ARHGAP12: variants seen among roughly 807,000 people sequenced by gnomAD.
The protein encoded by ARHGAP12 is rho GTPase-activating protein 12.
ARHGAP12 carries 64 observed loss-of-function variants against 108.6 expected under a neutral mutation model. That is an observed-to-expected ratio of 0.59 (90% CI 0.48 to 0.73). ARHGAP12 has a LOEUF of 0.73. Among genes scored for constraint, ARHGAP12 ranks in the 30% least tolerant of loss-of-function variants. The pLI, the probability that ARHGAP12 is intolerant of heterozygous loss-of-function variation, is 0.00. For missense variants in ARHGAP12, 940 were observed against 1,005.9 expected (o/e 0.93, Z 0.89); for synonymous variants, 312 against 337.2 (o/e 0.93, Z 0.82).
intron 3 of ARHGAP12, among the ~76,000 whole-genome samples, chr10:31,886,481 T>C (rs1418792867): frequency 6.6e-6 from 1 of 152,146 alleles, no homozygotes; most frequent in Non-Finnish European, 1.5e-5. Context: ...TAATCATAGA[T>C]TTAAGCACAT....
chr10:31,873,995 C>T (rs1195464212), intron 3 of ARHGAP12, among the ~76,000 whole-genome samples: 1 of 152,164 alleles, frequency 6.6e-6, no homozygotes, highest in Admixed American at 6.5e-5. Context: ...GTAACTCTAT[C>T]ATCAGCATTC....
intron 2 of ARHGAP12, among the ~76,000 whole-genome samples, chr10:31,909,522 C>A (rs191567545): frequency 2.0e-5 from 3 of 152,310 alleles, no homozygotes; most frequent in Admixed American, 1.3e-4. Context: ...TAAAGAGGGT[C>A]TTTGCAGATG....
At chr10:31,874,992 AAAAAAAAAAAT>A (rs1378253464) in intron 3 of ARHGAP12, among the ~76,000 whole-genome samples, 16 of 150,594 alleles carry the variant, frequency 1.1e-4, no homozygotes, top group Middle Eastern at 3.4e-3. Flanking sequence ...AAAAAAAAAA[AAAAAAAAAAAT>A]TTTCACACAC....
At chr10:31,832,983 T>C (rs886370018) in intron 9 of ARHGAP12, among the ~76,000 whole-genome samples, 1 of 152,150 alleles carries the variant, frequency 6.6e-6, no homozygotes, top group Admixed American at 6.5e-5. Flanking sequence ...GCAAGTTTGA[T>C]ATTTTTCGTA....
chr10:31,908,130 C>G (rs1043217071), intron 3 of ARHGAP12, 42 bp downstream of exon 3: 1 of 1,491,668 alleles, frequency 6.7e-7, no homozygotes, highest in South Asian at 1.4e-5. Context: ...AATATTTTCA[C>G]TAGGGTGGTA....
intron 9 of ARHGAP12, 96 bp from the exon 10 acceptor site, chr10:31,831,896 A>C: frequency 1.6e-6 from 1 of 634,068 alleles, no homozygotes; most frequent in Non-Finnish European, 2.5e-6. Context: ...TTCTCTAAAA[A>C]TTAGCTTAAA....
chr10:31,812,676 C>T, intron 15 of ARHGAP12, 31 bp downstream of exon 15: 3 of 1,335,600 alleles, frequency 2.2e-6, no homozygotes, highest in Non-Finnish European at 3.1e-6. Context: ...GGCCAACATT[C>T]ATTATTATCA....
intron 6 of ARHGAP12, among the ~76,000 whole-genome samples, chr10:31,852,106 A>G (rs1836703721): frequency 6.6e-6 from 1 of 152,180 alleles, no homozygotes; most frequent in Non-Finnish European, 1.5e-5. Context: ...TCAATCATAC[A>G]CACCATTTAC....
At chr10:31,864,070 T>C (rs564214534) in intron 3 of ARHGAP12, among the ~76,000 whole-genome samples, 12 of 152,292 alleles carry the variant, frequency 7.9e-5, no homozygotes, top group South Asian at 6.2e-4. Flanking sequence ...CCAAGTATAA[T>C]TGCTCTACTC....
intron 1 of ARHGAP12, among the ~76,000 whole-genome samples, chr10:31,915,918 T>A (rs1839536888): frequency 6.6e-6 from 1 of 152,224 alleles, no homozygotes; most frequent in African/African-American, 2.4e-5. Context: ...AATGCTATTT[T>A]TACTTAAAAA....
intron 19 of ARHGAP12, chr10:31,808,447 A>G (rs1277340187): frequency 1.3e-5 from 6 of 468,994 alleles, no homozygotes; most frequent in Admixed American, 3.8e-5. Flanking sequence ...CACATATAAT[A>G]CCTACTTTAC....
intron 1 of ARHGAP12, among the ~76,000 whole-genome samples, chr10:31,916,040 T>G (rs1388752834): frequency 6.6e-6 from 1 of 152,196 alleles, no homozygotes; most frequent in Non-Finnish European, 1.5e-5. Context: ...CTGTTTATCC[T>G]GTTTCTATAA....
At chr10:31,911,356 C>T (rs369125048) in intron 1 of ARHGAP12, among the ~76,000 whole-genome samples, 6 of 152,322 alleles carry the variant, frequency 3.9e-5, no homozygotes, top group African/African-American at 1.2e-4. Context: ...CACTCTGTCA[C>T]GGAGGCTGGA....
intron 14 of ARHGAP12, among the ~76,000 whole-genome samples, chr10:31,813,838 A>G (rs959384715): frequency 2.6e-5 from 4 of 152,210 alleles, no homozygotes; most frequent in Non-Finnish European, 5.9e-5. Context: ...GACACATCCT[A>G]GTCCAGAGAT....
intron 3 of ARHGAP12, among the ~76,000 whole-genome samples, chr10:31,882,016 G>A (rs951014692): frequency 6.7e-6 from 1 of 149,556 alleles, no homozygotes; most frequent in African/African-American, 2.5e-5. Flanking sequence ...CCGGGTTCAC[G>A]CCATTCTCCT....
intron 3 of ARHGAP12, among the ~76,000 whole-genome samples, chr10:31,893,736 A>T (rs1838554664): frequency 6.6e-6 from 1 of 152,194 alleles, no homozygotes; most frequent in Non-Finnish European, 1.5e-5. Context: ...ATCCTCCCTA[A>T]CTCACTTTAT....
At chr10:31,859,333 T>C (rs969722502) in intron 4 of ARHGAP12, among the ~76,000 whole-genome samples, 1 of 152,202 alleles carries the variant, frequency 6.6e-6, no homozygotes, top group African/African-American at 2.4e-5. Flanking sequence ...CACTGGGGAT[T>C]CCCCAAAGAG....
At chr10:31,830,170 C>G (rs1244965605) in intron 10 of ARHGAP12, among the ~76,000 whole-genome samples, 1 of 152,098 alleles carries the variant, frequency 6.6e-6, no homozygotes, top group Non-Finnish European at 1.5e-5. Context: ...GTAGATATAA[C>G]CTATAAGGTT....
chr10:31,858,866 GAA>G (rs1426406156), intron 4 of ARHGAP12, among the ~76,000 whole-genome samples: 1 of 152,198 alleles, frequency 6.6e-6, no homozygotes, highest in Non-Finnish European at 1.5e-5. Flanking sequence ...CTACACGGAA[GAA>G]AGTAGAATCT....
Sources: allele counts gnomAD v4.1 joint callset (sites outside exome capture counted in the v4.1 genomes callset), GRCh38; gene constraint gnomAD v4.1.1; transcripts MANE v1.5; gene names NCBI Gene and HGNC (gene_info 2026-07-23, HGNC 2026-07-21).